RYR3: variants seen among roughly 807,000 people sequenced by gnomAD.
RYR3 encodes brain ryanodine receptor-calcium release channel.
In RYR3, 207 loss-of-function variants were observed where a neutral mutation model predicts 584.3. The observed-to-expected ratio is 0.35, with a 90% CI of 0.32 to 0.40. The LOEUF (loss-of-function observed/expected upper bound fraction) is 0.40. RYR3 is among the 10% of genes least tolerant of loss of function. The pLI is 1.00. For missense variants in RYR3, 5,616 were observed against 6,089.2 expected, an observed-to-expected ratio of 0.92 and a Z score of 2.59; for synonymous variants, 2,416 against 2,248.5, an observed-to-expected ratio of 1.07 and a Z score of -2.11.
At position 33,826,241 on chromosome 15, in the gene RYR3, C is replaced by G; in HGVS notation, c.11147-11C>G. 1.2e-6 allele frequency: 2 copies of G among 1,613,454 alleles called. No individual in the cohort carries two copies. Among genetic ancestry groups the G allele is most frequent in the African/African-American group, 1.3e-5 (1 of 75,008 alleles). ...TTACTTTCTATTCTTCTGTTTTTCT[C>G]TCATTACCAGTCATTGTTCGGGAAC... On this transcript the variant is annotated splice_polypyrimidine_tract_variant and intron_variant, in intron 82 of 103. Transcript: ENST00000634891.
intron 1 of RYR3, among the ~76,000 whole-genome samples, chr15:33,422,336 T>G (rs2044297641): frequency 6.6e-6 from 1 of 152,258 alleles, no homozygotes; most frequent in Admixed American, 6.5e-5. Context: ...AGCTGAGTGC[T>G]GGGCTTAGTC....
intron 46 of RYR3, among the ~76,000 whole-genome samples, chr15:33,727,841 CA>C (rs969044085): frequency 6.6e-6 from 1 of 152,162 alleles, no homozygotes. Context: ...TTAGTGTCAA[CA>C]AAACAGGAAG....
intron 3 of RYR3, among the ~76,000 whole-genome samples, chr15:33,513,230 A>T (rs1812855): frequency 0.56 from 85,558 of 152,092 alleles, 25,789 homozygotes; most frequent in African/African-American, 0.79. Flanking sequence ...GTAGTGAGAA[A>T]TGAATGAACT....
chr15:33,566,203 C>A (rs1268864309), intron 11 of RYR3, among the ~76,000 whole-genome samples: 1 of 152,236 alleles, frequency 6.6e-6, no homozygotes, highest in Non-Finnish European at 1.5e-5. Flanking sequence ...CTGCAATTAA[C>A]TAACTCAGTG....
At chr15:33,861,974 A>G (rs1888409397) in intron 102 of RYR3, among the ~76,000 whole-genome samples, 1 of 152,040 alleles carries the variant, frequency 6.6e-6, no homozygotes. Flanking sequence ...CCAGTAGGCA[A>G]CTAATAAGTG....
intron 48 of RYR3, among the ~76,000 whole-genome samples, chr15:33,734,714 G>C (rs186734141): frequency 8.1e-6 from 1 of 124,028 alleles, no homozygotes; most frequent in Admixed American, 9.7e-5. Flanking sequence ...TTTTGAGACA[G>C]AGTCTCGCTC....
At chr15:33,654,201 T>C (rs1229146423) in intron 32 of RYR3, among the ~76,000 whole-genome samples, 1 of 152,176 alleles carries the variant, frequency 6.6e-6, no homozygotes, top group African/African-American at 2.4e-5. Context: ...TCTTGATTTA[T>C]TTATTTTTTT....
intron 12 of RYR3, among the ~76,000 whole-genome samples, chr15:33,575,834 T>TTTA (rs1555535393): frequency 1.7e-3 from 252 of 144,576 alleles, no homozygotes; most frequent in Middle Eastern, 3.6e-3. Flanking sequence ...GAGCTGGTTT[T>TTTA]AAAAAAAAAA....
intron 2 of RYR3, among the ~76,000 whole-genome samples, chr15:33,477,082 G>A (rs1040102625): frequency 2.6e-5 from 4 of 152,190 alleles, no homozygotes; most frequent in Non-Finnish European, 4.4e-5. Context: ...AAGTCATGCA[G>A]TGAGGTGAGG....
intron 87 of RYR3, among the ~76,000 whole-genome samples, chr15:33,836,189 C>CTTT (rs11461342): frequency 1.4e-5 from 2 of 144,968 alleles, no homozygotes; most frequent in East Asian, 2.0e-4. Context: ...CTTTTCTTTC[C>CTTT]TTTTTTTTGT....
chr15:33,666,921 T>G (rs2063522300), intron 36 of RYR3, among the ~76,000 whole-genome samples: 1 of 152,238 alleles, frequency 6.6e-6, no homozygotes, highest in Non-Finnish European at 1.5e-5. Context: ...AGGAAAGATC[T>G]TTTAGTAAAG....
chr15:33,839,964 GA>G (rs2078257751), intron 89 of RYR3, among the ~76,000 whole-genome samples: 1 of 152,138 alleles, frequency 6.6e-6, no homozygotes, highest in South Asian at 2.1e-4. Flanking sequence ...TGTGTTCTAG[GA>G]TACAGGAATA....
At position 33,844,972 on chromosome 15, in the gene RYR3, C is replaced by A; in HGVS notation, c.13407C>A (p.Ser4469Arg). ...TGGTATTCTTTGTCCTTCAGGAGAG[C>A]ACCGGGTATATGGCACCAACCCTGC... Reference protein sequence around the residue: ...EAMVFFVLQESTGYMAPTLRA... With the variant: ...EAMVFFVLQERTGYMAPTLRA... The change falls in exon 93 of 104, where the codon AGC (serine) becomes AGA (arginine). Residue 4469 changes from serine to arginine, a missense_variant. Physicochemically the swap from Ser to Arg is moderately radical, Grantham distance 110. This residue lies in a region of RYR3 where 918 missense variants were observed against 887.4 expected (regional missense o/e 1.03). Transcript: ENST00000634891. 6.2e-7 allele frequency: 1 copy of A among 1,613,996 alleles called. No individual in the cohort carries two copies. The highest frequency in any genetic ancestry group is 8.5e-7 in the Non-Finnish European group (1 of 1,179,888).
At chr15:33,630,758 A>C (rs74005909) in intron 22 of RYR3, among the ~76,000 whole-genome samples, 1 of 152,178 alleles carries the variant, frequency 6.6e-6, no homozygotes, top group African/African-American at 2.4e-5. Flanking sequence ...TTAGAATTCT[A>C]TCTGTTCCAT....
rs144231004 is a variant in RYR3 at position 33,475,263 on chromosome 15, G to A, written c.171+1725G>A. 3.3e-5 allele frequency among the ~76,000 whole-genome samples: 5 copies of A among 152,268 alleles called. No homozygotes were observed. In the East Asian group the frequency reaches 9.7e-4, roughly 29 times the overall value. On this transcript the variant is annotated intron_variant, in intron 2 of 103. Coordinates refer to ENST00000634891, the MANE Select transcript of RYR3 (RefSeq NM_001036.6). Reference sequence around the variant, plus strand: ...GTTGACCTAAATTAGAAAACAAGTGGTATCCTTTTCTAGTCATCCATCGAG... The same window carrying A: ...GTTGACCTAAATTAGAAAACAAGTGATATCCTTTTCTAGTCATCCATCGAG...
At chr15:33,343,527 T>G (rs112576268) in intron 1 of RYR3, among the ~76,000 whole-genome samples, 6 of 152,152 alleles carry the variant, frequency 3.9e-5, no homozygotes, top group African/African-American at 1.4e-4. Context: ...ATGCTCTCAC[T>G]TTACTGTCTT....
At chr15:33,529,550 G>A (rs1186518481) in intron 3 of RYR3, among the ~76,000 whole-genome samples, 1 of 152,120 alleles carries the variant, frequency 6.6e-6, no homozygotes, top group African/African-American at 2.4e-5. Flanking sequence ...AGGTGTCCTT[G>A]AAGAAAAATG....
At chr15:33,862,723 G>A (rs1261344733) in intron 102 of RYR3, among the ~76,000 whole-genome samples, 1 of 151,624 alleles carries the variant, frequency 6.6e-6, no homozygotes, top group African/African-American at 2.4e-5. Context: ...TGATTCTCCT[G>A]CCTCAGCCTC....
At chr15:33,335,541 G>A (rs1460058190) in intron 1 of RYR3, among the ~76,000 whole-genome samples, 3 of 151,994 alleles carry the variant, frequency 2.0e-5, no homozygotes, top group Non-Finnish European at 1.5e-5. Context: ...GGTGGAGGGT[G>A]GGAAGAAGGA....
Sources: allele counts gnomAD v4.1 joint callset (sites outside exome capture counted in the v4.1 genomes callset), GRCh38; gene constraint gnomAD v4.1.1; regional missense constraint gnomAD v4.1.1; transcripts MANE v1.5; gene names NCBI Gene and HGNC (gene_info 2026-07-23, HGNC 2026-07-21).